UBE2E2: variants seen among roughly 807,000 people sequenced by gnomAD.
UBE2E2 encodes ubiquitin conjugating enzyme E2 E2, also known as ubiquitin-conjugating enzyme E2 E2.
In UBE2E2, 6 loss-of-function variants were observed where a neutral mutation model predicts 24.7. That is an observed-to-expected ratio of 0.24 (90% CI 0.13 to 0.48). The LOEUF (loss-of-function observed/expected upper bound fraction) is 0.48. UBE2E2 is among the 20% of genes least tolerant of loss of function. UBE2E2 has a pLI of 0.99. For missense variants in UBE2E2, 169 were observed against 245.0 expected (o/e 0.69, Z 2.07); for synonymous variants, 104 against 83.6 (o/e 1.24, Z -1.33).
At chr3:23,225,955 CT>C (rs1182759614) in intron 3 of UBE2E2, among the ~76,000 whole-genome samples, 9 of 152,132 alleles carry the variant, frequency 5.9e-5, no homozygotes, top group Non-Finnish European at 1.0e-4. Flanking sequence ...TACCAGCCCA[CT>C]GCAACCTCCG....
chr3:23,534,317 T>C, intron 5 of UBE2E2: 1 of 887,230 alleles, frequency 1.1e-6, no homozygotes, highest in Non-Finnish European at 1.4e-6. Flanking sequence ...AAGACTTCTG[T>C]TCAGTGAACT....
chr3:23,327,392 T>C (rs1291821822), intron 3 of UBE2E2, among the ~76,000 whole-genome samples: 1 of 152,232 alleles, frequency 6.6e-6, no homozygotes, highest in Non-Finnish European at 1.5e-5. Flanking sequence ...GATATCTCAT[T>C]GTGGTTTTGA....
chr3:23,206,190 C>G (rs1000803153), intron 1 of UBE2E2, among the ~76,000 whole-genome samples: 3 of 152,136 alleles, frequency 2.0e-5, no homozygotes, highest in African/African-American at 7.2e-5. Context: ...GCACCTTTCC[C>G]TGAGGATTGT....
chr3:23,467,528 T>C (rs1698947268), intron 3 of UBE2E2, among the ~76,000 whole-genome samples: 2 of 152,180 alleles, frequency 1.3e-5, no homozygotes, highest in Admixed American at 6.5e-5. Flanking sequence ...TAACAATCCT[T>C]ACTTCATGGG....
chr3:23,565,166 G>A lies in UBE2E2; in HGVS notation c.509-24568G>A, dbSNP rs1251721665. Among the ~76,000 whole-genome samples the A allele has an allele frequency of 2.6e-5, 4 of 152,138 alleles. No homozygotes were observed. The East Asian group carries it at 5.8e-4, about 22-fold the overall frequency. On this transcript the variant is annotated intron_variant, in intron 5 of 5. Coordinates refer to ENST00000396703, the MANE Select transcript of UBE2E2 (RefSeq NM_152653.4). ...ATAGCTTCTCTTTATGGTTCTCTTT[G>A]AAAATGTGCATCCCTCTGGGAGAGA...
chr3:23,495,160 A>G (rs942820628), intron 3 of UBE2E2, among the ~76,000 whole-genome samples: 4 of 152,168 alleles, frequency 2.6e-5, no homozygotes, highest in Non-Finnish European at 5.9e-5. Flanking sequence ...ACCAATTCAG[A>G]GTGATAATAT....
At chr3:23,357,893 C>T (rs1696005900) in intron 3 of UBE2E2, among the ~76,000 whole-genome samples, 2 of 152,324 alleles carry the variant, frequency 1.3e-5, no homozygotes, top group African/African-American at 4.8e-5. Context: ...GGCTGGCATG[C>T]ACTGGCACAA....
At chr3:23,212,494 C>T (rs1696356425) in intron 2 of UBE2E2, among the ~76,000 whole-genome samples, 2 of 152,254 alleles carry the variant, frequency 1.3e-5, no homozygotes, top group South Asian at 4.1e-4. Context: ...CGGGTTGATA[C>T]ATCTGTAAAT....
At chr3:23,526,160 G>A (rs1313461050) in intron 4 of UBE2E2, among the ~76,000 whole-genome samples, 1 of 152,174 alleles carries the variant, frequency 6.6e-6, no homozygotes, top group Non-Finnish European at 1.5e-5. Flanking sequence ...TAAATAGGAA[G>A]TAGCAGCAAT....
chr3:23,500,429 C>T (rs1478615224), intron 4 of UBE2E2, among the ~76,000 whole-genome samples: 2 of 152,154 alleles, frequency 1.3e-5, no homozygotes, highest in African/African-American at 4.8e-5. Flanking sequence ...TTTAGAAAGT[C>T]TTCACATTCT....
Position 23,352,913 on chromosome 3 carries a change from C to T in UBE2E2, c.227+135601C>T, listed in dbSNP as rs545442075. On this transcript the variant is annotated intron_variant, in intron 3 of 5. Coordinates refer to ENST00000396703, the MANE Select transcript of UBE2E2 (RefSeq NM_152653.4). ...GCCAGCATCATCCTGATACCAAAGC[C>T]GGGCAGAGACACAACCAAAAAGGAG... 8.4e-3 allele frequency among the ~76,000 whole-genome samples: 1,274 copies of T among 152,242 alleles called. 12 individuals carry two copies. The highest frequency in any genetic ancestry group is 0.02 in the Middle Eastern group (6 of 294).
At chr3:23,421,855 A>G (rs1697808024) in intron 3 of UBE2E2, among the ~76,000 whole-genome samples, 1 of 152,270 alleles carries the variant, frequency 6.6e-6, no homozygotes, top group African/African-American at 2.4e-5. Context: ...GAGGTGAGAG[A>G]TAAGAAATTA....
At chr3:23,584,569 T>C (rs528354088) in intron 5 of UBE2E2, among the ~76,000 whole-genome samples, 2 of 151,220 alleles carry the variant, frequency 1.3e-5, no homozygotes, top group East Asian at 1.9e-4. Flanking sequence ...TTTTTTTTTT[T>C]CTGGAAAGAC....
intron 3 of UBE2E2, among the ~76,000 whole-genome samples, chr3:23,392,982 A>T (rs985081144): frequency 5.3e-5 from 8 of 152,220 alleles, no homozygotes; most frequent in African/African-American, 1.9e-4. Flanking sequence ...AGGATGCGGC[A>T]GAAGTGGCGA....
At chr3:23,403,808 CAAAAA>C (rs375422962) in intron 3 of UBE2E2, among the ~76,000 whole-genome samples, 5 of 82,196 alleles carry the variant, frequency 6.1e-5, no homozygotes, top group Non-Finnish European at 1.1e-4. Flanking sequence ...ATTCCGTCTC[CAAAAA>C]AAAAAAAAAA....
At chr3:23,546,237 T>A (rs560215240) in intron 5 of UBE2E2, among the ~76,000 whole-genome samples, 1 of 152,290 alleles carries the variant, frequency 6.6e-6, no homozygotes, top group African/African-American at 2.4e-5. Context: ...AAAATTCTCT[T>A]CAGTTTATGT....
intron 3 of UBE2E2, among the ~76,000 whole-genome samples, chr3:23,430,164 T>C (rs1698024770): frequency 6.6e-6 from 1 of 150,970 alleles, no homozygotes; most frequent in South Asian, 2.1e-4. Context: ...TGCTTAAGAA[T>C]ATAAACTCGA....
chr3:23,354,817 G>A (rs931365346), intron 3 of UBE2E2, among the ~76,000 whole-genome samples: 2 of 152,224 alleles, frequency 1.3e-5, no homozygotes, highest in Non-Finnish European at 2.9e-5. Context: ...GGAAGACAGT[G>A]TGGCAATTCC....
At chr3:23,282,607 G>A (rs1484022179) in intron 3 of UBE2E2, among the ~76,000 whole-genome samples, 1 of 152,052 alleles carries the variant, frequency 6.6e-6, no homozygotes, top group African/African-American at 2.4e-5. Context: ...CCTGTGCCTT[G>A]TATTCTGCAG....
Sources: allele counts gnomAD v4.1 joint callset (sites outside exome capture counted in the v4.1 genomes callset), GRCh38; gene constraint gnomAD v4.1.1; transcripts MANE v1.5; gene names NCBI Gene and HGNC (gene_info 2026-07-23, HGNC 2026-07-21).